The following GULP1 variants were observed in gnomAD, a reference collection of about 807,000 sequenced individuals.
GULP1 encodes the protein GULP PTB domain containing engulfment adaptor 1.
Under a neutral mutation model 40.9 loss-of-function variants are expected in GULP1, and 19 were observed. The observed-to-expected ratio is 0.46, with a 90% confidence interval of 0.32 to 0.68. GULP1 has a LOEUF of 0.68. Among genes scored for constraint, GULP1 ranks in the 30% least tolerant of loss-of-function variants. The probability of loss-of-function intolerance (pLI) is 0.03; values close to 1 mark genes in which losing one functional copy is unlikely to be tolerated. For synonymous variants in GULP1, 119 were observed against 117.6 expected (o/e 1.01, Z -0.08); for missense variants, 312 against 362.2 (o/e 0.86, Z 1.12).
intron 2 of GULP1, among the ~76,000 whole-genome samples, chr2:188,387,927 T>C (rs2049993220): frequency 1.3e-5 from 2 of 151,984 alleles, no homozygotes; most frequent in South Asian, 4.2e-4. Flanking sequence ...ATGTGCACAA[T>C]GTGCAGGTTA....
intron 1 of GULP1, among the ~76,000 whole-genome samples, chr2:188,325,123 C>A (rs1559112493): frequency 6.6e-6 from 1 of 151,932 alleles, no homozygotes; most frequent in Non-Finnish European, 1.5e-5. Context: ...CTACTGCATA[C>A]CGAAACATTT....
At chr2:188,348,622 C>T (rs560838910) in intron 1 of GULP1, among the ~76,000 whole-genome samples, 68 of 152,082 alleles carry the variant, frequency 4.5e-4, no homozygotes, top group African/African-American at 1.6e-3. Context: ...TATCACGATA[C>T]TGAAAGGTGA....
In GULP1 at chr2:188,489,893, G is replaced by A. The variant is rs142947578; in HGVS notation, c.90+6401G>A. 6.8e-4 allele frequency among the ~76,000 whole-genome samples: 103 copies of A among 152,140 alleles called. 2 individuals are homozygous for A. In the East Asian group the frequency reaches 0.019, roughly 28 times the overall value. On this transcript the variant is annotated intron_variant, in intron 4 of 11. Transcript: ENST00000409830. ...TGCTTACAAAATACAAGAACAAATGGAGAAAAGGAAATGGCAATAAATACC... is the reference window on the plus strand; with the variant it reads ...TGCTTACAAAATACAAGAACAAATGAAGAAAAGGAAATGGCAATAAATACC...
chr2:188,429,883 G>C (rs765236497), intron 2 of GULP1, among the ~76,000 whole-genome samples: 2 of 151,994 alleles, frequency 1.3e-5, no homozygotes, highest in Non-Finnish European at 2.9e-5. Context: ...GCTAATTTTT[G>C]TATTTTTAGT....
chr2:188,374,867 A>G (rs1342661809), intron 1 of GULP1, among the ~76,000 whole-genome samples: 1 of 152,164 alleles, frequency 6.6e-6, no homozygotes, highest in East Asian at 1.9e-4. Context: ...TGTATAAACA[A>G]GTTAAATGCA....
At chr2:188,589,876 T>C (rs1277515668) in intron 11 of GULP1, 1 of 454,074 alleles carries the variant, frequency 2.2e-6, no homozygotes, top group Non-Finnish European at 3.9e-6. Context: ...ATCTGATAAT[T>C]AGTTATGTTT....
At chr2:188,572,354 A>G (rs1699230291) in intron 9 of GULP1, among the ~76,000 whole-genome samples, 1 of 152,218 alleles carries the variant, frequency 6.6e-6, no homozygotes. Context: ...AGCACTCCTG[A>G]GGTTACATCA....
intron 1 of GULP1, among the ~76,000 whole-genome samples, chr2:188,376,090 T>TA (rs561630644): frequency 6.7e-5 from 10 of 150,306 alleles, no homozygotes; most frequent in East Asian, 1.9e-4. Flanking sequence ...GTGTATTTAT[T>TA]AAAAAAAAAA....
intron 6 of GULP1, among the ~76,000 whole-genome samples, chr2:188,537,717 G>C (rs1158426657): frequency 6.6e-6 from 1 of 151,970 alleles, no homozygotes; most frequent in Non-Finnish European, 1.5e-5. Context: ...TTAGAGAGAG[G>C]TTCCTTCTCC....
intron 7 of GULP1, among the ~76,000 whole-genome samples, chr2:188,568,737 C>A (rs1403231833): frequency 1.3e-5 from 2 of 152,126 alleles, no homozygotes; most frequent in African/African-American, 4.8e-5. Flanking sequence ...ATTTAGAGGG[C>A]ATACCTCAAG....
rs767992135 is a variant in GULP1, at chr2:188,570,083, A to G, written c.572A>G (p.Glu191Gly). The change falls in exon 9 of 12, where the codon GAA becomes GGA. Residue 191 changes from glutamate to glycine, a missense_variant. Coordinates refer to ENST00000409830, the MANE Select transcript of GULP1 (RefSeq NM_016315.4). ...MELKNKVQDL[E>G]NQLRITQVSA... ...CTTAAAAATAAAGTACAAGATTTGG[A>G]AAACCAACTGAGAATAACTCAAGTA... 3 of 1,478,350 alleles carry G rather than the reference A, an allele frequency of 2.0e-6. No individual in the cohort carries two copies. Among genetic ancestry groups the G allele is most frequent in the African/African-American group, 2.8e-5 (2 of 71,178 alleles). The allele number at this position is 1,478,350 out of a possible 1,614,324, so 91.6% of individuals were successfully genotyped here.
intron 4 of GULP1, 80 bp downstream of exon 4, chr2:188,483,572 T>C (rs112451351): frequency 1.9e-6 from 1 of 539,450 alleles, no homozygotes; most frequent in South Asian, 3.4e-5. Flanking sequence ...AGATTGCTTA[T>C]GTATTGACAT....
chr2:188,414,826 G>T (rs1333024172), intron 2 of GULP1, among the ~76,000 whole-genome samples: 1 of 152,224 alleles, frequency 6.6e-6, no homozygotes, highest in South Asian at 2.1e-4. Context: ...ACAAACTTTA[G>T]GTAATTAGAG....
chr2:188,551,263 T>G (rs1167296566), intron 7 of GULP1, among the ~76,000 whole-genome samples: 1 of 151,596 alleles, frequency 6.6e-6, no homozygotes, highest in Non-Finnish European at 1.5e-5. Flanking sequence ...AACATTGAAT[T>G]TATTCCTTCT....
At chr2:188,511,106 G>A (rs1384798522) in intron 4 of GULP1, among the ~76,000 whole-genome samples, 3 of 152,156 alleles carry the variant, frequency 2.0e-5, no homozygotes, top group African/African-American at 4.8e-5. Flanking sequence ...TGAGGAAAGC[G>A]AGGCTATGAA....
At chr2:188,526,129 C>G (rs897944166) in intron 5 of GULP1, among the ~76,000 whole-genome samples, 1 of 152,098 alleles carries the variant, frequency 6.6e-6, no homozygotes, top group Non-Finnish European at 1.5e-5. Flanking sequence ...GTTGTGCTCC[C>G]TTTAAATTTT....
At chr2:188,563,199 A>G (rs1559382571) in intron 7 of GULP1, among the ~76,000 whole-genome samples, 1 of 152,076 alleles carries the variant, frequency 6.6e-6, no homozygotes, top group Admixed American at 6.5e-5. Context: ...GACAAACAAT[A>G]AAGAAAATTA....
chr2:188,405,778 A>G (rs568979504), intron 2 of GULP1, among the ~76,000 whole-genome samples: 1 of 152,210 alleles, frequency 6.6e-6, no homozygotes, highest in Non-Finnish European at 1.5e-5. Flanking sequence ...CAAATGATCT[A>G]CTCAGAATTT....
intron 7 of GULP1, among the ~76,000 whole-genome samples, chr2:188,553,536 T>C (rs966959386): frequency 3.9e-5 from 6 of 152,032 alleles, no homozygotes; most frequent in Non-Finnish European, 7.4e-5. Flanking sequence ...TGTATTATAT[T>C]TTTGTGTGCT....
Sources: allele counts gnomAD v4.1 joint callset (sites outside exome capture counted in the v4.1 genomes callset), GRCh38; gene constraint gnomAD v4.1.1; transcripts MANE v1.5; gene names NCBI Gene and HGNC (gene_info 2026-07-23, HGNC 2026-07-21).